Variants in MGAT4A observed in about 807,000 individuals in gnomAD.
MGAT4A encodes alpha-1,3-mannosyl-glycoprotein 4-beta-N-acetylglucosaminyltransferase A, also known as N-acetylglucosaminyltransferase IVa.
In MGAT4A, 33 loss-of-function variants were observed where a neutral mutation model predicts 74.1. The observed-to-expected ratio is 0.45, with a 90% CI of 0.34 to 0.60. The LOEUF is 0.60. Among genes scored for constraint, MGAT4A ranks in the 20% least tolerant of loss-of-function variants. The probability of loss-of-function intolerance (pLI) is 0.02; values close to 1 mark genes in which losing one functional copy is unlikely to be tolerated. For synonymous variants in MGAT4A, 198 were observed against 210.4 expected, an observed-to-expected ratio of 0.94 and a Z score of 0.51; for missense variants, 479 against 628.3, an observed-to-expected ratio of 0.76 and a Z score of 2.54.
intron 2 of MGAT4A, among the ~76,000 whole-genome samples, chr2:98,699,707 T>C (rs1297133521): frequency 6.6e-6 from 1 of 152,134 alleles, no homozygotes; most frequent in Non-Finnish European, 1.5e-5. Flanking sequence ...ATTCATGGTA[T>C]GGGAAACATT....
chr2:98,681,517 C>T (rs1410485375), intron 2 of MGAT4A, among the ~76,000 whole-genome samples: 1 of 152,134 alleles, frequency 6.6e-6, no homozygotes, highest in Admixed American at 6.5e-5. Context: ...TCAGCATAAA[C>T]ACAGTGTCCA....
chr2:98,712,707 T>C (rs897919166), intron 2 of MGAT4A, among the ~76,000 whole-genome samples: 1 of 152,232 alleles, frequency 6.6e-6, no homozygotes, highest in Admixed American at 6.5e-5. Context: ...AAAATCATAT[T>C]ATCTCATCTC....
At chr2:98,684,671 A>G (rs527240699) in intron 2 of MGAT4A, among the ~76,000 whole-genome samples, 1 of 152,344 alleles carries the variant, frequency 6.6e-6, no homozygotes, top group Admixed American at 6.5e-5. Flanking sequence ...GTTCAACAGT[A>G]TAAATGAATG....
chr2:98,693,847 A>C (rs1157902394), intron 2 of MGAT4A, among the ~76,000 whole-genome samples: 1 of 152,212 alleles, frequency 6.6e-6, no homozygotes, highest in Admixed American at 6.5e-5. Flanking sequence ...AAAGGAATAC[A>C]CTCAAAAACA....
intron 8 of MGAT4A, among the ~76,000 whole-genome samples, chr2:98,654,720 A>C (rs1243554670): frequency 6.6e-6 from 1 of 152,166 alleles, no homozygotes; most frequent in Non-Finnish European, 1.5e-5. Context: ...TGTCCACACT[A>C]CCTAAAGCGA....
At chr2:98,662,544 T>C (rs901663722) in intron 5 of MGAT4A, among the ~76,000 whole-genome samples, 2 of 152,154 alleles carry the variant, frequency 1.3e-5, no homozygotes, top group African/African-American at 4.8e-5. Flanking sequence ...AAGAAAATAT[T>C]TACTCTAGGG....
intron 4 of MGAT4A, among the ~76,000 whole-genome samples, chr2:98,674,082 TAGAA>T (rs150592791): frequency 0.016 from 2,436 of 152,278 alleles, 22 homozygotes; most frequent in Middle Eastern, 0.02. Flanking sequence ...ATTAATGAAA[TAGAA>T]AGACAGCAGA....
rs371665167 is a variant in MGAT4A at position 98,643,796 on chromosome 2, T to C, written c.1020+127A>G. 194 of 931,438 alleles carry C rather than the reference T, an allele frequency of 2.1e-4. 1 individual carries two copies. The South Asian group carries it at 6.8e-3, about 33-fold the overall frequency. 57.7% of individuals were successfully genotyped at this position (931,438 alleles called of 1,614,324 possible). A position where few individuals can be genotyped will look rare whatever the true frequency, so the allele number is the denominator to read the frequency against. On this transcript the variant is annotated intron_variant, in intron 10 of 15. Coordinates refer to ENST00000393487, the MANE Select transcript of MGAT4A (RefSeq NM_012214.3). ...AAAGTTCTTCTAATATAGAAACTTTTTATCAGCTCAGGAAAGAAGTTTTAT... is the reference window on the plus strand; with the variant it reads ...AAAGTTCTTCTAATATAGAAACTTTCTATCAGCTCAGGAAAGAAGTTTTAT...
At chr2:98,726,812 A>G (rs1371952707) in intron 1 of MGAT4A, 1 of 153,718 alleles carries the variant, frequency 6.5e-6, no homozygotes, top group African/African-American at 2.4e-5. Flanking sequence ...CTGTAAAAAG[A>G]AAGTTATGGT....
chr2:98,645,335 A>G, intron 9 of MGAT4A, 93 bp downstream of exon 9: 1 of 935,852 alleles, frequency 1.1e-6, no homozygotes, highest in Non-Finnish European at 1.6e-6. Flanking sequence ...CCATAGGAAA[A>G]AAAGACATCT....
chr2:98,707,692 G>A (rs554773474), intron 2 of MGAT4A, among the ~76,000 whole-genome samples: 23 of 152,208 alleles, frequency 1.5e-4, no homozygotes, highest in East Asian at 3.9e-4. Flanking sequence ...AGACTCTAGC[G>A]TCTCCCCAGT....
In MGAT4A at chr2:98,620,356, A is replaced by T. The variant is rs1319711691; in HGVS notation, c.*5210T>A. On this transcript the variant is annotated 3_prime_UTR_variant, in exon 16 of 16. Coordinates refer to ENST00000393487, the MANE Select transcript of MGAT4A (RefSeq NM_012214.3). ...GGAAAAGTTCCTTTTCTATAAAGGG[A>T]TTGGACTGGATAAAGTTCCCTTAAA... The T allele has an allele frequency of 6.6e-6, 1 of 152,214 alleles. No individual in the cohort carries two copies. Among genetic ancestry groups the T allele is most frequent in the Non-Finnish European group, 1.5e-5 (1 of 68,036 alleles). The allele number at this position is 152,214 out of a possible 1,614,324, so 9.4% of individuals were successfully genotyped here. A position where few individuals can be genotyped will look rare whatever the true frequency, so the allele number is the denominator to read the frequency against.
chr2:98,632,407 T>C (rs1369328577), intron 14 of MGAT4A, among the ~76,000 whole-genome samples: 1 of 152,210 alleles, frequency 6.6e-6, no homozygotes, highest in Non-Finnish European at 1.5e-5. Flanking sequence ...AACAGCAGCT[T>C]GTTTGCACGC....
intron 2 of MGAT4A, among the ~76,000 whole-genome samples, chr2:98,686,463 T>G (rs1702131818): frequency 6.6e-6 from 1 of 151,988 alleles, no homozygotes; most frequent in Non-Finnish European, 1.5e-5. Context: ...TTAAAATCTA[T>G]CCCCTGACCT....
intron 2 of MGAT4A, among the ~76,000 whole-genome samples, chr2:98,700,891 CA>C (rs199625081): frequency 0.018 from 1,195 of 65,160 alleles, 7 homozygotes; most frequent in African/African-American, 0.034. Context: ...GACTCTGTCT[CA>C]AAAAAAAAAA....
At chr2:98,631,530 G>A (rs1384645313) in intron 14 of MGAT4A, among the ~76,000 whole-genome samples, 1 of 152,246 alleles carries the variant, frequency 6.6e-6, no homozygotes, top group Non-Finnish European at 1.5e-5. Flanking sequence ...GCACACAAGT[G>A]GCTGGACGTG....
chr2:98,717,535 A>G (rs1702609557), intron 2 of MGAT4A, among the ~76,000 whole-genome samples: 1 of 152,210 alleles, frequency 6.6e-6, no homozygotes, highest in Admixed American at 6.5e-5. Flanking sequence ...AGATTAGTTA[A>G]TAATTTTAAA....
At chr2:98,715,192 CCTGTAA>C (rs1243585106) in intron 2 of MGAT4A, among the ~76,000 whole-genome samples, 8 of 151,772 alleles carry the variant, frequency 5.3e-5, no homozygotes, top group Non-Finnish European at 1.0e-4. Context: ...GTGGCGCATG[CCTGTAA>C]TCCCAGCTAC....
chr2:98,667,180 T>C (rs1291730485), intron 4 of MGAT4A, among the ~76,000 whole-genome samples: 1 of 152,240 alleles, frequency 6.6e-6, no homozygotes, highest in Non-Finnish European at 1.5e-5. Context: ...CCTAGCCACA[T>C]GGAACTGTAA....
Sources: gnomAD v4.1 joint callset for allele counts (sites outside exome capture counted in the v4.1 genomes callset) on GRCh38, gnomAD v4.1.1 for gene constraint, MANE v1.5 for transcripts, NCBI Gene and HGNC (gene_info 2026-07-23, HGNC 2026-07-21) for gene names.